MYO10: variants seen among roughly 807,000 people sequenced by gnomAD.
MYO10 encodes the protein myosin X.
Under a neutral mutation model 257.3 loss-of-function variants are expected in MYO10, and 133 were observed. That is an observed-to-expected ratio of 0.52 (90% CI 0.45 to 0.60). MYO10 has a LOEUF of 0.60. Among genes scored for constraint, MYO10 ranks in the 20% least tolerant of loss-of-function variants. The probability of loss-of-function intolerance (pLI) is 0.00; values close to 1 mark genes in which losing one functional copy is unlikely to be tolerated. For synonymous variants in MYO10, 1,104 were observed against 1,028.6 expected, an observed-to-expected ratio of 1.07 and a Z score of -1.40; for missense variants, 2,399 against 2,635.7, an observed-to-expected ratio of 0.91 and a Z score of 1.97.
intron 6 of MYO10, 64 bp downstream of exon 6, chr5:16,781,641 T>A: frequency 6.8e-7 from 1 of 1,462,836 alleles, no homozygotes; most frequent in Non-Finnish European, 9.3e-7. Flanking sequence ...TCCTTATAAT[T>A]AGTGAGAACA....
At chr5:16,850,846 G>A (rs1743780462) in intron 2 of MYO10, among the ~76,000 whole-genome samples, 1 of 151,964 alleles carries the variant, frequency 6.6e-6, no homozygotes, top group Admixed American at 6.6e-5. Flanking sequence ...CTGTCGTCCA[G>A]GCTGGAGTGC....
At chr5:16,866,496 C>G (rs1480377381) in intron 2 of MYO10, among the ~76,000 whole-genome samples, 1 of 152,106 alleles carries the variant, frequency 6.6e-6, no homozygotes, top group Non-Finnish European at 1.5e-5. Flanking sequence ...CCCTTTATGG[C>G]CTCTAGAAAC....
intron 1 of MYO10, among the ~76,000 whole-genome samples, chr5:16,927,756 G>A (rs749871359): frequency 2.0e-5 from 3 of 152,196 alleles, no homozygotes; most frequent in Non-Finnish European, 4.4e-5. Flanking sequence ...TGTTCTAGCT[G>A]TATTTCAACA....
rs1177992649 is a variant in MYO10, at chr5:16,898,818, C to T, written c.22-21111G>A. Among the ~76,000 whole-genome samples, 4 of 152,106 alleles carry T rather than the reference C, an allele frequency of 2.6e-5. 1 individual carries two copies. Among genetic ancestry groups the T allele is most frequent in the African/African-American group, 9.6e-5 (4 of 41,504 alleles). ...AAGTCATAGTGGCTAAAGCACTGGACAGACCAGTTCTAGATGCTAAAATCT... is the reference window on the plus strand; with the variant it reads ...AAGTCATAGTGGCTAAAGCACTGGATAGACCAGTTCTAGATGCTAAAATCT... On this transcript the variant is annotated intron_variant, in intron 1 of 40. Coordinates refer to ENST00000513610, the MANE Select transcript of MYO10 (RefSeq NM_012334.3).
At chr5:16,895,493 G>A (rs1184398377) in intron 1 of MYO10, among the ~76,000 whole-genome samples, 2 of 151,900 alleles carry the variant, frequency 1.3e-5, no homozygotes, top group East Asian at 1.9e-4. Context: ...TGGATGACAC[G>A]CCCCATCTAG....
chr5:16,670,983 A>G lies in MYO10; in HGVS notation c.5431-5T>C. 6.2e-7 allele frequency: 1 copy of G among 1,602,552 alleles called. No individual in the cohort carries two copies. The highest frequency in any genetic ancestry group is 8.5e-7 in the Non-Finnish European group (1 of 1,171,928). On this transcript the variant is annotated splice_region_variant and splice_polypyrimidine_tract_variant and intron_variant, in intron 38 of 40. Coordinates refer to ENST00000513610, the MANE Select transcript of MYO10 (RefSeq NM_012334.3). The stretch of plus-strand genomic sequence containing the variant: ...ATGGATAACCGCTTCGTGGGCCTGA[A>G]AGGAGACAGTCAACAGCTTTCCGGT...
rs555657391 is a variant in MYO10, at chr5:16,665,439, T to C, written c.*1253A>G. 59 of 152,174 alleles carry C rather than the reference T, an allele frequency of 3.9e-4. 1 individual carries two copies. Among genetic ancestry groups the C allele is most frequent in the Non-Finnish European group, 5.9e-5 (4 of 68,030 alleles). The allele number at this position is 152,174 out of a possible 1,614,324, so 9.4% of individuals were successfully genotyped here. A position where few individuals can be genotyped will look rare whatever the true frequency, so the allele number is the denominator to read the frequency against. On this transcript the variant is annotated 3_prime_UTR_variant, in exon 41 of 41. Coordinates refer to ENST00000513610, the MANE Select transcript of MYO10 (RefSeq NM_012334.3). Reference sequence around the variant, plus strand: ...CCCAAGTCCTTAAAACTTTTCCATATAAAAATAAAAAGTCCAAGACCAGAT... The same window carrying C: ...CCCAAGTCCTTAAAACTTTTCCATACAAAAATAAAAAGTCCAAGACCAGAT...
chr5:16,852,368 G>A (rs1743835044), intron 2 of MYO10, among the ~76,000 whole-genome samples: 1 of 152,038 alleles, frequency 6.6e-6, no homozygotes, highest in Non-Finnish European at 1.5e-5. Flanking sequence ...TTCTCCCCAT[G>A]CATATGTAAA....
At chr5:16,879,378 G>A (rs1580107314) in intron 1 of MYO10, among the ~76,000 whole-genome samples, 1 of 152,312 alleles carries the variant, frequency 6.6e-6, no homozygotes. Context: ...GGGGATAAAT[G>A]ACACACCAGT....
chr5:16,711,522 G>A (rs1387867089), intron 19 of MYO10, among the ~76,000 whole-genome samples: 8 of 152,282 alleles, frequency 5.3e-5, no homozygotes, highest in South Asian at 2.1e-4. Flanking sequence ...GGTGGCTCGC[G>A]CCTGTAATCC....
Position 16,685,945 on chromosome 5 carries a change from A to G in MYO10, c.3897-114T>C, listed in dbSNP as rs972598084. 14 of 740,078 alleles carry G rather than the reference A, an allele frequency of 1.9e-5. No homozygotes were observed. The East Asian group carries it at 3.8e-4, about 20-fold the overall frequency. 45.8% of individuals were successfully genotyped at this position (740,078 alleles called of 1,614,324 possible). The stretch of plus-strand genomic sequence containing the variant: ...GACATCTCTAAGCACCTTTGCTTTT[A>G]ATTTGATTACTTCTTAGGGGTAAAT... On this transcript the variant is annotated intron_variant, in intron 28 of 40. Transcript: ENST00000513610.
At chr5:16,721,033 G>A (rs1433493213) in intron 19 of MYO10, among the ~76,000 whole-genome samples, 2 of 151,976 alleles carry the variant, frequency 1.3e-5, no homozygotes, top group African/African-American at 2.4e-5. Flanking sequence ...TTCCATTATG[G>A]GATATACCTC....
intron 2 of MYO10, among the ~76,000 whole-genome samples, chr5:16,841,218 G>A (rs1743471880): frequency 6.6e-6 from 1 of 151,750 alleles, no homozygotes; most frequent in African/African-American, 2.4e-5. Flanking sequence ...TTCAGAAACA[G>A]TTATTATTCA....
At chr5:16,763,309 G>A (rs1378735028) in intron 14 of MYO10, among the ~76,000 whole-genome samples, 172 bp downstream of exon 14, 1 of 152,194 alleles carries the variant, frequency 6.6e-6, no homozygotes, top group African/African-American at 2.4e-5. Context: ...AAGCAGCCAA[G>A]TATTTAAATT....
At position 16,664,920 on chromosome 5, in the gene MYO10, G is replaced by A. The variant is rs749268992; in HGVS notation, c.*1772C>T. The A allele has an allele frequency of 1.3e-5, 2 of 152,268 alleles. No individual in the cohort carries two copies. Among genetic ancestry groups the A allele is most frequent in the African/African-American group, 2.4e-5 (1 of 41,400 alleles). The allele number at this position is 152,268 out of a possible 1,614,324, so 9.4% of individuals were successfully genotyped here. A position where few individuals can be genotyped will look rare whatever the true frequency, so the allele number is the denominator to read the frequency against. On this transcript the variant is annotated 3_prime_UTR_variant, in exon 41 of 41. Transcript: ENST00000513610. ...ACAAAGCCCAGACACTGAAACCATA[G>A]CATTAACACCAAAAAGCCGGCCGGG...
intron 2 of MYO10, among the ~76,000 whole-genome samples, chr5:16,833,450 G>A (rs1295869492): frequency 2.6e-5 from 4 of 152,018 alleles, no homozygotes; most frequent in Non-Finnish European, 5.9e-5. Flanking sequence ...CTGACCTCGT[G>A]ATTTGCCCAC....
chr5:16,877,591 G>A lies in MYO10; in HGVS notation c.120+18C>T, dbSNP rs1744641696. 1 of 1,592,178 alleles carries A rather than the reference G, an allele frequency of 6.3e-7. No individual in the cohort carries two copies. Among genetic ancestry groups the A allele is most frequent in the Non-Finnish European group, 8.6e-7 (1 of 1,160,858 alleles). On this transcript the variant is annotated intron_variant, in intron 2 of 40. Transcript: ENST00000513610. ...AGCAGACCATGGATGTTGGGAAGCTGCAGGGACTTGTTCTCACCTGACCAT... is the reference window on the plus strand; with the variant it reads ...AGCAGACCATGGATGTTGGGAAGCTACAGGGACTTGTTCTCACCTGACCAT...
chr5:16,748,621 A>AGGGAGGGAGGGAGG (rs1560963927), intron 19 of MYO10, among the ~76,000 whole-genome samples: 36 of 135,510 alleles, frequency 2.7e-4, no homozygotes, highest in African/African-American at 8.8e-4. Flanking sequence ...AGAGAGGGAG[A>AGGGAGGGAGGGAGG]GAGGGAGGGA....
At position 16,936,075 on chromosome 5, in the gene MYO10, G is replaced by A. The variant is rs1746434778; in HGVS notation, c.-267C>T. The A allele has an allele frequency of 2.0e-6, 1 of 502,032 alleles. No individual in the cohort carries two copies. Among genetic ancestry groups the A allele is most frequent in the Non-Finnish European group, 3.5e-6 (1 of 282,148 alleles). 31.1% of individuals were successfully genotyped at this position (502,032 alleles called of 1,614,324 possible). A position where few individuals can be genotyped will look rare whatever the true frequency, so the allele number is the denominator to read the frequency against. ...ACTACTGGGCGCAGCGCTCGCAAGC[G>A]GAGAACAGCTGGTGGCACATTCTTC... On this transcript the variant is annotated 5_prime_UTR_variant, in exon 1 of 41. Transcript: ENST00000513610.
Sources: gnomAD v4.1 joint callset for allele counts (sites outside exome capture counted in the v4.1 genomes callset) on GRCh38, gnomAD v4.1.1 for gene constraint, MANE v1.5 for transcripts, NCBI Gene and HGNC (gene_info 2026-07-23, HGNC 2026-07-21) for gene names.